MAL2: variants seen among roughly 807,000 people sequenced by gnomAD.
MAL2 encodes mal, T cell differentiation protein 2.
A neutral mutation model predicts 18.1 loss-of-function variants in MAL2; 17 were observed. The ratio of observed to expected loss-of-function variants is 0.94; its 90% CI spans 0.64 to 1.41. The LOEUF is 1.41. MAL2 is among the 40% of genes most tolerant of loss of function. The pLI is 0.00. For synonymous variants in MAL2, 102 were observed against 102.3 expected, an observed-to-expected ratio of 1.00 and a Z score of 0.02; for missense variants, 222 against 231.9, an observed-to-expected ratio of 0.96 and a Z score of 0.28.
chr8:119,244,452 T>C lies in MAL2; in HGVS notation c.*964T>C, dbSNP rs1458802447. On this transcript the variant is annotated 3_prime_UTR_variant, in exon 4 of 4. Coordinates refer to ENST00000614891, the MANE Select transcript of MAL2 (RefSeq NM_052886.3). Reference sequence around the variant, plus strand: ...CTTAAAATGGGATCCCCAGAGACCATTAACCAATACTGGAACTGGTATCTA... The same window carrying C: ...CTTAAAATGGGATCCCCAGAGACCACTAACCAATACTGGAACTGGTATCTA... The C allele has an allele frequency of 1.3e-5, 2 of 152,196 alleles. No homozygotes were observed. Among genetic ancestry groups the C allele is most frequent in the African/African-American group, 4.8e-5 (2 of 41,468 alleles). The allele number at this position is 152,196 out of a possible 1,614,324, so 9.4% of individuals were successfully genotyped here. A position where few individuals can be genotyped will look rare whatever the true frequency, so the allele number is the denominator to read the frequency against.
chr8:119,209,748 A>G (rs1817242073), intron 1 of MAL2, among the ~76,000 whole-genome samples: 1 of 152,146 alleles, frequency 6.6e-6, no homozygotes, highest in Non-Finnish European at 1.5e-5. Flanking sequence ...CCCTAAGTTA[A>G]GTTTAGCCCG....
chr8:119,231,775 C>G (rs1336627650), intron 2 of MAL2, among the ~76,000 whole-genome samples: 5 of 152,018 alleles, frequency 3.3e-5, no homozygotes, highest in African/African-American at 1.2e-4. Context: ...CTGTCATTTG[C>G]AATATAGATG....
chr8:119,233,001 C>A (rs1817768488), intron 2 of MAL2, among the ~76,000 whole-genome samples: 1 of 33,752 alleles, frequency 3.0e-5, no homozygotes, highest in Admixed American at 4.3e-4. Flanking sequence ...GAGAGCTTTA[C>A]TTCCAACTAT....
chr8:119,234,616 C>G (rs763135113), intron 2 of MAL2, among the ~76,000 whole-genome samples: 1 of 151,936 alleles, frequency 6.6e-6, no homozygotes, highest in Non-Finnish European at 1.5e-5. Context: ...ACATCTGAGA[C>G]CTGGCAGACT....
intron 3 of MAL2, among the ~76,000 whole-genome samples, chr8:119,242,929 A>G (rs1441497327): frequency 1.3e-5 from 2 of 152,236 alleles, no homozygotes; most frequent in Non-Finnish European, 2.9e-5. Context: ...TGTCTCCCAT[A>G]CAAGAGCAAG....
chr8:119,240,117 G>A, intron 2 of MAL2, 48 bp from the exon 3 acceptor site: 1 of 1,577,270 alleles, frequency 6.3e-7, no homozygotes, highest in Non-Finnish European at 8.7e-7. Context: ...ATAAGGAACA[G>A]AAAAATATTT....
At chr8:119,235,477 A>G (rs1175639352) in intron 2 of MAL2, among the ~76,000 whole-genome samples, 1 of 151,880 alleles carries the variant, frequency 6.6e-6, no homozygotes, top group African/African-American at 2.4e-5. Context: ...GAGAAGAGCA[A>G]CTCCAAGACA....
intron 2 of MAL2, among the ~76,000 whole-genome samples, chr8:119,222,315 G>T (rs1424931571): frequency 6.6e-6 from 1 of 151,968 alleles, no homozygotes; most frequent in Non-Finnish European, 1.5e-5. Flanking sequence ...TGAATCATGA[G>T]GTCAGGAGTT....
chr8:119,221,537 T>C (rs1817463863), intron 1 of MAL2, 50 bp from the exon 2 acceptor site: 1 of 1,602,070 alleles, frequency 6.2e-7, no homozygotes, highest in Non-Finnish European at 8.5e-7. Flanking sequence ...AATTCTGTTG[T>C]GTGAAAGGTA....
intron 1 of MAL2, among the ~76,000 whole-genome samples, chr8:119,218,197 A>G (rs1817391147): frequency 1.3e-5 from 2 of 151,838 alleles, no homozygotes; most frequent in South Asian, 4.2e-4. Flanking sequence ...TATCATATGT[A>G]TTTACTTGAG....
At position 119,208,385 on chromosome 8, in the gene MAL2, A is replaced by AGCGGCAGCG. The variant is rs1554637230; in HGVS notation, c.-83_-82insAGCGGCGGC. On this transcript the variant is annotated 5_prime_UTR_variant, in exon 1 of 4. Transcript: ENST00000614891. The surrounding 1 kb of genome is among the most constrained non-coding windows in gnomAD (Gnocchi z 4.3). Reference sequence around the variant, plus strand: ...GGCGCGCCCGGAGCCCGCGGAGCTGAGCGGCGGCGGCGGCGGCGGCAGGAG... The same window carrying AGCGGCAGCG: ...GGCGCGCCCGGAGCCCGCGGAGCTGAGCGGCAGCGGCGGCGGCGGCGGCGGCGGCAGGAG... 1.4e-6 allele frequency: 1 copy of AGCGGCAGCG among 700,710 alleles called. No individual in the cohort carries two copies. The highest frequency in any genetic ancestry group is 1.8e-6 in the Non-Finnish European group (1 of 569,702). 43.4% of individuals were successfully genotyped at this position (700,710 alleles called of 1,614,324 possible).
At chr8:119,220,144 C>A (rs1817439366) in intron 1 of MAL2, among the ~76,000 whole-genome samples, 1 of 152,128 alleles carries the variant, frequency 6.6e-6, no homozygotes, top group Non-Finnish European at 1.5e-5. Context: ...GTGATAGATG[C>A]ATAAAACTCA....
intron 3 of MAL2, among the ~76,000 whole-genome samples, chr8:119,241,538 GTTAT>G (rs1818048391): frequency 6.6e-6 from 1 of 152,088 alleles, no homozygotes; most frequent in Non-Finnish European, 1.5e-5. Context: ...AATTTTTAGT[GTTAT>G]TTAATTTTAA....
chr8:119,208,428 G>T lies in MAL2; in HGVS notation c.-45G>T. On this transcript the variant is annotated 5_prime_UTR_variant, in exon 1 of 4. Coordinates refer to ENST00000614891, the MANE Select transcript of MAL2 (RefSeq NM_052886.3). The surrounding 1 kb of genome is among the most constrained non-coding windows in gnomAD (Gnocchi z 4.3). Reference sequence around the variant, plus strand: ...GGCAGGAGCCCGGGAGGCGGAGGCGGGAGGCGGCGGCGGCGCGCGGAGACG... The same window carrying T: ...GGCAGGAGCCCGGGAGGCGGAGGCGTGAGGCGGCGGCGGCGCGCGGAGACG... 1 of 1,089,792 alleles carries T rather than the reference G, an allele frequency of 9.2e-7. No homozygotes were observed. Among genetic ancestry groups the T allele is most frequent in the Non-Finnish European group, 1.1e-6 (1 of 887,834 alleles). The allele number at this position is 1,089,792 out of a possible 1,614,324, so 67.5% of individuals were successfully genotyped here.
chr8:119,235,097 T>A (rs1157970481), intron 2 of MAL2, among the ~76,000 whole-genome samples: 1 of 151,552 alleles, frequency 6.6e-6, no homozygotes, highest in Non-Finnish European at 1.5e-5. Flanking sequence ...GAATAACCAA[T>A]ACAGAGAAGT....
intron 1 of MAL2, among the ~76,000 whole-genome samples, chr8:119,211,663 A>C (rs1214732929): frequency 1.3e-5 from 2 of 151,108 alleles, no homozygotes; most frequent in Non-Finnish European, 2.9e-5. Flanking sequence ...TGGCTTCTTA[A>C]GTGGAGAATA....
intron 2 of MAL2, among the ~76,000 whole-genome samples, chr8:119,226,590 G>C (rs921894112): frequency 1.1e-4 from 16 of 152,070 alleles, no homozygotes; most frequent in Non-Finnish European, 1.5e-4. Context: ...GGGTGTGTGA[G>C]CATTGATAAG....
At chr8:119,239,062 A>G (rs1287030560) in intron 2 of MAL2, among the ~76,000 whole-genome samples, 2 of 152,048 alleles carry the variant, frequency 1.3e-5, no homozygotes, top group African/African-American at 4.8e-5. Context: ...TCTACAATGA[A>G]CTCAAACAAA....
At position 119,244,117 on chromosome 8, in the gene MAL2, C is replaced by A. The variant is rs1245925378; in HGVS notation, c.*629C>A. 6.6e-6 allele frequency: 1 copy of A among 152,098 alleles called. No homozygotes were observed. Among genetic ancestry groups the A allele is most frequent in the Non-Finnish European group, 1.5e-5 (1 of 68,012 alleles). The allele number at this position is 152,098 out of a possible 1,614,324, so 9.4% of individuals were successfully genotyped here. A position where few individuals can be genotyped will look rare whatever the true frequency, so the allele number is the denominator to read the frequency against. The stretch of plus-strand genomic sequence containing the variant: ...GGGGAGGCTGGGTTTAGCCTGTGGG[C>A]CATAGTTTGTCAACCACTGGTGTAA... On this transcript the variant is annotated 3_prime_UTR_variant, in exon 4 of 4. Transcript: ENST00000614891.
Sources: allele counts gnomAD v4.1 joint callset (sites outside exome capture counted in the v4.1 genomes callset), GRCh38; gene constraint gnomAD v4.1.1; non-coding constraint Gnocchi (gnomAD v3.1); transcripts MANE v1.5; gene names NCBI Gene and HGNC (gene_info 2026-07-23, HGNC 2026-07-21).